The following PRKG1 variants were observed in gnomAD, a reference collection of about 807,000 sequenced individuals.
The protein encoded by PRKG1 is protein kinase cGMP-dependent 1, also known as cGMP-dependent protein kinase 1.
In PRKG1, 35 loss-of-function variants were observed where a neutral mutation model predicts 88.1. That is an observed-to-expected ratio of 0.40 (90% CI 0.30 to 0.53). The LOEUF is 0.53. Among genes scored for constraint, PRKG1 ranks in the 20% least tolerant of loss-of-function variants. PRKG1 has a pLI of 0.59. For synonymous variants in PRKG1, 303 were observed against 292.5 expected (o/e 1.04, Z -0.37); for missense variants, 540 against 839.8 (o/e 0.64, Z 4.41).
chr10:51,262,665 A>G (rs1410551819), intron 2 of PRKG1, among the ~76,000 whole-genome samples: 1 of 152,216 alleles, frequency 6.6e-6, no homozygotes, highest in Non-Finnish European at 1.5e-5. Flanking sequence ...ACAGTTCCAC[A>G]GGCTTAACAG....
chr10:50,994,917 G>A (rs2132709221), intron 1 of PRKG1, among the ~76,000 whole-genome samples: 1 of 152,118 alleles, frequency 6.6e-6, no homozygotes, highest in East Asian at 1.9e-4. Context: ...TATTGCATTA[G>A]GTGTTATAAG....
chr10:51,679,723 T>C (rs1322449603), intron 3 of PRKG1, among the ~76,000 whole-genome samples: 1 of 113,006 alleles, frequency 8.8e-6, no homozygotes, highest in African/African-American at 3.4e-5. Context: ...TTTTTTTTAA[T>C]GTTTTTTTTT....
At chr10:51,701,926 T>G (rs531431135) in intron 3 of PRKG1, among the ~76,000 whole-genome samples, 38 of 152,302 alleles carry the variant, frequency 2.5e-4, no homozygotes, top group African/African-American at 8.2e-4. Flanking sequence ...AATTTGCATT[T>G]CTAATAAGCT....
chr10:51,422,301 T>A (rs560888749), intron 2 of PRKG1, among the ~76,000 whole-genome samples: 3 of 152,312 alleles, frequency 2.0e-5, no homozygotes, highest in Admixed American at 2.0e-4. Context: ...GATGGCACTG[T>A]GAGGTTTCTG....
At chr10:51,620,434 TA>T (rs1839177175) in intron 3 of PRKG1, among the ~76,000 whole-genome samples, 1 of 152,074 alleles carries the variant, frequency 6.6e-6, no homozygotes, top group Admixed American at 6.6e-5. Flanking sequence ...GCATGAAGAA[TA>T]ATTCTTCCTG....
intron 2 of PRKG1, among the ~76,000 whole-genome samples, chr10:51,185,985 A>G (rs2132032973): frequency 6.6e-6 from 1 of 152,056 alleles, no homozygotes; most frequent in South Asian, 2.1e-4. Flanking sequence ...GATTTTTAAA[A>G]AAAAATGTTA....
At chr10:51,528,674 G>A (rs1300249466) in intron 3 of PRKG1, among the ~76,000 whole-genome samples, 1 of 151,494 alleles carries the variant, frequency 6.6e-6, no homozygotes, top group Non-Finnish European at 1.5e-5. Context: ...TCTCGGGGTG[G>A]GGGGAAGACA....
intron 3 of PRKG1, among the ~76,000 whole-genome samples, chr10:51,718,165 T>C (rs1173922591): frequency 6.6e-6 from 1 of 152,224 alleles, no homozygotes; most frequent in Non-Finnish European, 1.5e-5. Flanking sequence ...ATAACAATAA[T>C]GGCTACTATG....
chr10:51,143,921 T>G (rs1845881212), intron 1 of PRKG1, among the ~76,000 whole-genome samples: 1 of 150,080 alleles, frequency 6.7e-6, no homozygotes, highest in African/African-American at 2.5e-5. Context: ...ATTCTATAGG[T>G]TGTGTCTTCA....
At chr10:51,422,961 G>GTT (rs57764048) in intron 2 of PRKG1, among the ~76,000 whole-genome samples, 21,926 of 146,016 alleles carry the variant, frequency 0.15, 1,677 homozygotes, top group Admixed American at 0.24. Context: ...ATTGAAATAG[G>GTT]TTTTTTTTTT....
chr10:51,751,573 AAGTATATTTTATAC>A (rs1413756451), intron 3 of PRKG1, among the ~76,000 whole-genome samples: 18 of 152,274 alleles, frequency 1.2e-4, no homozygotes, highest in African/African-American at 4.3e-4. Context: ...TTTATGGCAG[AAGTATATTTTATAC>A]GTTGCATGGA....
At chr10:51,663,226 A>G (rs1222525333) in intron 3 of PRKG1, among the ~76,000 whole-genome samples, 1 of 152,108 alleles carries the variant, frequency 6.6e-6, no homozygotes, top group Non-Finnish European at 1.5e-5. Flanking sequence ...GTGAAGATGT[A>G]GAAAGAGTCA....
intron 5 of PRKG1, among the ~76,000 whole-genome samples, chr10:51,972,417 T>TG (rs1323283993): frequency 6.6e-6 from 1 of 152,212 alleles, no homozygotes; most frequent in African/African-American, 2.4e-5. Context: ...GGTCATATAC[T>TG]GAAGGTGAGA....
chr10:51,181,311 G>A (rs568491383), intron 2 of PRKG1, among the ~76,000 whole-genome samples: 2 of 128,594 alleles, frequency 1.6e-5, no homozygotes, highest in South Asian at 2.5e-4. Context: ...GCGCAATCTC[G>A]GCTCACTGCA....
At chr10:51,098,872 A>G (rs1487397329) in intron 1 of PRKG1, among the ~76,000 whole-genome samples, 1 of 152,130 alleles carries the variant, frequency 6.6e-6, no homozygotes, top group Non-Finnish European at 1.5e-5. Flanking sequence ...TTCCCTGGGT[A>G]ACTGATGGTT....
At chr10:51,709,526 A>T (rs1468888126) in intron 3 of PRKG1, among the ~76,000 whole-genome samples, 1 of 152,248 alleles carries the variant, frequency 6.6e-6, no homozygotes, top group Non-Finnish European at 1.5e-5. Context: ...GCCTGCAGGA[A>T]AACAGGGAAG....
chr10:51,782,409 A>G (rs1036759812), intron 3 of PRKG1, among the ~76,000 whole-genome samples: 2 of 152,130 alleles, frequency 1.3e-5, no homozygotes, highest in African/African-American at 4.8e-5. Context: ...TTTAATACTT[A>G]CCTGTGCCAA....
chr10:51,665,927 G>T (rs879369265), intron 3 of PRKG1, among the ~76,000 whole-genome samples: 11 of 152,070 alleles, frequency 7.2e-5, no homozygotes, highest in Non-Finnish European at 1.6e-4. Context: ...ATGTGTGTGT[G>T]TGTGTGTGTT....
chr10:52,039,344 G>T (rs554858213), intron 5 of PRKG1, among the ~76,000 whole-genome samples: 4 of 152,174 alleles, frequency 2.6e-5, no homozygotes, highest in East Asian at 3.9e-4. Flanking sequence ...TGCTTTTTGA[G>T]CCAGGATGAG....
Sources: allele counts gnomAD v4.1 joint callset (sites outside exome capture counted in the v4.1 genomes callset), GRCh38; gene constraint gnomAD v4.1.1; transcripts MANE v1.5; gene names NCBI Gene and HGNC (gene_info 2026-07-23, HGNC 2026-07-21).